MARCHF5: variants seen among roughly 807,000 people sequenced by gnomAD.
The protein encoded by MARCHF5 is E3 ubiquitin-protein ligase MARCHF5.
A neutral mutation model predicts 36.5 loss-of-function variants in MARCHF5; 5 were observed. That is an observed-to-expected ratio of 0.14 (90% CI 0.07 to 0.29). MARCHF5 has a LOEUF of 0.29. Among genes scored for constraint, MARCHF5 ranks in the 10% least tolerant of loss-of-function variants. The pLI is 1.00. For synonymous variants in MARCHF5, 103 were observed against 109.9 expected, an observed-to-expected ratio of 0.94 and a Z score of 0.39; for missense variants, 179 against 336.3, an observed-to-expected ratio of 0.53 and a Z score of 3.66.
At chr10:92,301,432 T>A (rs1843010357) in intron 1 of MARCHF5, among the ~76,000 whole-genome samples, 1 of 152,224 alleles carries the variant, frequency 6.6e-6, no homozygotes, top group Non-Finnish European at 1.5e-5. Flanking sequence ...AAAAAGCTGA[T>A]GATTTGGAGT....
intron 2 of MARCHF5, chr10:92,333,700 T>C: frequency 1.0e-6 from 1 of 973,026 alleles, no homozygotes; most frequent in Non-Finnish European, 1.2e-6. Context: ...TCAGCCTCTA[T>C]CAAGTTAAGT....
chr10:92,310,779 G>A (rs766343548), intron 1 of MARCHF5, among the ~76,000 whole-genome samples: 2 of 152,094 alleles, frequency 1.3e-5, no homozygotes, highest in East Asian at 3.8e-4. Context: ...ATATATTACT[G>A]TGCTTACTAT....
chr10:92,346,424 A>G (rs1164318785), intron 3 of MARCHF5, among the ~76,000 whole-genome samples: 2 of 151,170 alleles, frequency 1.3e-5, no homozygotes, highest in African/African-American at 2.4e-5. Flanking sequence ...AGCATGGGGC[A>G]TCTCTCTTCA....
chr10:92,348,500 C>T (rs565398372), intron 3 of MARCHF5, among the ~76,000 whole-genome samples: 2 of 152,000 alleles, frequency 1.3e-5, no homozygotes, highest in African/African-American at 4.8e-5. Context: ...AAAACAACAA[C>T]AAAAAGAGGT....
At position 92,308,257 on chromosome 10, in the gene MARCHF5, A is replaced by G. The variant is rs143343127; in HGVS notation, c.36-2878A>G. Among the ~76,000 whole-genome samples, 62 of 152,014 alleles carry G rather than the reference A, an allele frequency of 4.1e-4. 2 individuals are homozygous for G. In the East Asian group the frequency reaches 0.012, roughly 29 times the overall value. ...CGCCCAGCCTATGCTTCCCCTTTCTAGATCATATAGGGTAACTTCGTGACG... is the reference window on the plus strand; with the variant it reads ...CGCCCAGCCTATGCTTCCCCTTTCTGGATCATATAGGGTAACTTCGTGACG... On this transcript the variant is annotated intron_variant, in intron 1 of 5. Transcript: ENST00000358935.
At position 92,349,747 on chromosome 10, in the gene MARCHF5, G is replaced by C. The variant is rs769678964; in HGVS notation, c.630G>C (p.Leu210Phe). The change falls in exon 5 of 6, where the codon TTG (leucine) becomes TTC (phenylalanine). Residue 210 changes from leucine to phenylalanine, a missense_variant. Physicochemically the swap from Leu to Phe is conservative, Grantham distance 22. Transcript: ENST00000358935. Reference sequence around the variant, plus strand: ...ATCATGTCTCTGCTACTCGAATCTTGTGTGGAGCCCTTGTCTTTCCTACTA... The same window carrying C: ...ATCATGTCTCTGCTACTCGAATCTTCTGTGGAGCCCTTGTCTTTCCTACTA... ...LADHVSATRI[L>F]CGALVFPTIA... 1 of 1,614,102 alleles carries C rather than the reference G, an allele frequency of 6.2e-7. No individual in the cohort carries two copies. The highest frequency in any genetic ancestry group is 8.5e-7 in the Non-Finnish European group (1 of 1,179,988).
chr10:92,334,992 T>G (rs1843486115), intron 2 of MARCHF5, among the ~76,000 whole-genome samples: 1 of 152,180 alleles, frequency 6.6e-6, no homozygotes, highest in Admixed American at 6.5e-5. Context: ...ATACAAAGCT[T>G]CAGTTGCCAT....
chr10:92,323,603 C>CT (rs978388696), intron 2 of MARCHF5, among the ~76,000 whole-genome samples: 1 of 151,676 alleles, frequency 6.6e-6, no homozygotes, highest in Non-Finnish European at 1.5e-5. Context: ...CACCATACAT[C>CT]TTTTTTTTTC....
chr10:92,319,883 A>G (rs1161643151), intron 2 of MARCHF5, among the ~76,000 whole-genome samples: 1 of 140,914 alleles, frequency 7.1e-6, no homozygotes, highest in Non-Finnish European at 1.5e-5. Context: ...CGAGCTTCTG[A>G]CCTCATGATC....
At chr10:92,322,244 C>CA (rs56391697) in intron 2 of MARCHF5, among the ~76,000 whole-genome samples, 1,158 of 27,742 alleles carry the variant, frequency 0.042, 153 homozygotes, top group Non-Finnish European at 0.049. Context: ...AACTCCGTCT[C>CA]AAAAAAAAAA....
In MARCHF5 at chr10:92,299,064, A is replaced by G. The variant is rs145168980; in HGVS notation, c.35+7535A>G. ...TGTCTCAAACTCCTGTTCTCCACCA[A>G]TCCTACCTTGGCCTCCCAAAGTGTT... is the stretch of plus-strand genomic sequence containing the variant. On this transcript the variant is annotated intron_variant, in intron 1 of 5. Transcript: ENST00000358935. 7.7e-3 allele frequency among the ~76,000 whole-genome samples: 1,164 copies of G among 151,972 alleles called. 15 individuals carry two copies. Among genetic ancestry groups the G allele is most frequent in the South Asian group, 0.046 (223 of 4,814 alleles).
At chr10:92,346,259 T>C (rs1447967767) in intron 3 of MARCHF5, among the ~76,000 whole-genome samples, 2 of 152,240 alleles carry the variant, frequency 1.3e-5, no homozygotes, top group South Asian at 2.1e-4. Context: ...TTCTTCACAG[T>C]GTATATATTT....
intron 2 of MARCHF5, among the ~76,000 whole-genome samples, chr10:92,335,264 A>G (rs958014689): frequency 9.2e-5 from 14 of 152,060 alleles, no homozygotes; most frequent in African/African-American, 3.4e-4. Flanking sequence ...CTTTTTTCCT[A>G]AGTTTACAAC....
In MARCHF5 at chr10:92,345,173, TA is replaced by T. The variant is rs113693627; in HGVS notation, c.370-4163del. On this transcript the variant is annotated intron_variant, in intron 3 of 5. Transcript: ENST00000358935. ...TACTTACTTATCCTTGATTCTGAGT[TA>T]AAAAAAAAAAAACCCTGTTATTTCA... is the stretch of plus-strand genomic sequence containing the variant. Among the ~76,000 whole-genome samples the T allele has an allele frequency of 7.3e-3, 1,042 of 143,170 alleles. 5 individuals are homozygous for T. Among genetic ancestry groups the T allele is most frequent in the African/African-American group, 0.021 (833 of 39,874 alleles). 93.9% of individuals were successfully genotyped at this position (143,170 alleles called of 152,430 possible).
rs150257740 is a variant in MARCHF5, at chr10:92,349,845, G to A, written c.720+8G>A. Reference sequence around the variant, plus strand: ...TTACAAAGGACAATCTTGGTAAGACGGCTTTAACATTACTTATATTACCTT... The same window carrying A: ...TTACAAAGGACAATCTTGGTAAGACAGCTTTAACATTACTTATATTACCTT... On this transcript the variant is annotated splice_region_variant and intron_variant, in intron 5 of 5. Coordinates refer to ENST00000358935, the MANE Select transcript of MARCHF5 (RefSeq NM_017824.5). 451 of 1,602,892 alleles carry A rather than the reference G, an allele frequency of 2.8e-4. 1 individual carries two copies. The highest frequency in any genetic ancestry group is 1.4e-3 in the East Asian group (62 of 44,806).
chr10:92,328,821 A>ATATATATATATATATAT (rs372130854), intron 2 of MARCHF5, among the ~76,000 whole-genome samples: 22 of 122,408 alleles, frequency 1.8e-4, no homozygotes, highest in African/African-American at 6.6e-4. Context: ...ATATATATAT[A>ATATATATATATATATAT]TTTTTTTTTT....
chr10:92,343,019 A>G (rs1219610093), intron 3 of MARCHF5, among the ~76,000 whole-genome samples: 2 of 152,230 alleles, frequency 1.3e-5, no homozygotes, highest in African/African-American at 2.4e-5. Flanking sequence ...ATGAATCACA[A>G]ACAGTGAAAC....
At position 92,291,474 on chromosome 10, in the gene MARCHF5, T is replaced by G. The variant is rs1294403314; in HGVS notation, c.-21T>G. 6.5e-7 allele frequency: 1 copy of G among 1,545,666 alleles called. No individual in the cohort carries two copies. Among genetic ancestry groups the G allele is most frequent in the Non-Finnish European group, 8.7e-7 (1 of 1,142,940 alleles). ...TGAGCGGGTCCACTGGGGAAGGCCG[T>G]GTGCGCCGGCTCCGCGGAAGATGCC... On this transcript the variant is annotated 5_prime_UTR_variant, in exon 1 of 6. Transcript: ENST00000358935.
At chr10:92,342,212 G>T (rs1409960302) in intron 3 of MARCHF5, among the ~76,000 whole-genome samples, 2 of 149,646 alleles carry the variant, frequency 1.3e-5, no homozygotes, top group South Asian at 4.3e-4. Context: ...GTACAGTGGC[G>T]CAATCAAGGG....
Sources: gnomAD v4.1 joint callset for allele counts (sites outside exome capture counted in the v4.1 genomes callset) on GRCh38, gnomAD v4.1.1 for gene constraint, MANE v1.5 for transcripts, NCBI Gene and HGNC (gene_info 2026-07-23, HGNC 2026-07-21) for gene names.